The following CLOCK variants were observed in gnomAD, a reference collection of about 807,000 sequenced individuals.
CLOCK encodes the protein clock circadian regulator, also known as circadian locomoter output cycles protein kaput.
In CLOCK, 43 loss-of-function variants were observed where a neutral mutation model predicts 118.4. The ratio of observed to expected loss-of-function variants is 0.36; its 90% confidence interval spans 0.28 to 0.47. The LOEUF (loss-of-function observed/expected upper bound fraction) is 0.47. Ranked by LOEUF, CLOCK falls within the 20% of genes least tolerant of loss-of-function variation. The pLI, the probability that CLOCK is intolerant of heterozygous loss-of-function variation, is 1.00. For missense variants in CLOCK, 846 were observed against 999.9 expected, an observed-to-expected ratio of 0.85 and a Z score of 2.08; for synonymous variants, 326 against 339.2, an observed-to-expected ratio of 0.96 and a Z score of 0.43.
At chr4:55,463,655 T>C in intron 9 of CLOCK, 30 bp downstream of exon 9, 1 of 1,611,524 alleles carries the variant, frequency 6.2e-7, no homozygotes, top group Non-Finnish European at 8.5e-7. Context: ...ATACAACATT[T>C]GACTTTTTTG....
chr4:55,464,856 A>T (rs932126142), intron 8 of CLOCK, among the ~76,000 whole-genome samples: 1 of 152,094 alleles, frequency 6.6e-6, no homozygotes, highest in Non-Finnish European at 1.5e-5. Flanking sequence ...CACCAACCTA[A>T]TACTATTCTT....
chr4:55,540,154 C>T (rs547426018), intron 1 of CLOCK, among the ~76,000 whole-genome samples: 3 of 151,860 alleles, frequency 2.0e-5, no homozygotes, highest in South Asian at 4.2e-4. Flanking sequence ...ATTACAGGCA[C>T]CCGCCACCAT....
At chr4:55,511,907 T>C (rs1729174189) in intron 1 of CLOCK, among the ~76,000 whole-genome samples, 1 of 152,050 alleles carries the variant, frequency 6.6e-6, no homozygotes, top group South Asian at 2.1e-4. Flanking sequence ...AAATACACAT[T>C]TAAGATTTCT....
At chr4:55,457,166 A>T (rs566412886) in intron 11 of CLOCK, among the ~76,000 whole-genome samples, 169 of 152,260 alleles carry the variant, frequency 1.1e-3, no homozygotes, top group Non-Finnish European at 1.9e-3. Flanking sequence ...CAAATATCTG[A>T]ATGTCCTCAT....
chr4:55,466,899 G>A (rs1257797519), intron 8 of CLOCK, among the ~76,000 whole-genome samples: 4 of 152,074 alleles, frequency 2.6e-5, no homozygotes, highest in Admixed American at 2.0e-4. Context: ...TATAAGTTCT[G>A]CTGATTTACT....
chr4:55,525,295 T>C (rs1167380739), intron 1 of CLOCK, among the ~76,000 whole-genome samples: 4 of 152,112 alleles, frequency 2.6e-5, no homozygotes, highest in Non-Finnish European at 5.9e-5. Flanking sequence ...CCACATACCC[T>C]GTTCTTTAGA....
chr4:55,459,802 A>G (rs991769995), intron 9 of CLOCK, among the ~76,000 whole-genome samples: 7 of 152,126 alleles, frequency 4.6e-5, no homozygotes, highest in African/African-American at 1.7e-4. Flanking sequence ...ACGCAAGACT[A>G]CAGGTGTGAG....
rs1560427988 is a variant in CLOCK at position 55,455,916 on chromosome 4, C to T, written c.963G>A (p.Leu321=). Residue 321 remains leucine, a synonymous_variant, in exon 13 of 23, where the codon TTG becomes TTA. Coordinates refer to ENST00000513440, the MANE Select transcript of CLOCK (RefSeq NM_004898.4). ...DYYHVDDLEN[L]AKCHEHLMQY... ...ACTTACAGTGCTCATGACATTTTGC[C>T]AAATTTTCTAGGTCATCCACATGAT... The T allele has an allele frequency of 6.2e-7, 1 of 1,613,376 alleles. No homozygotes were observed. Among genetic ancestry groups the T allele is most frequent in the South Asian group, 1.1e-5 (1 of 91,068 alleles).
At chr4:55,451,013 C>CA (rs781444349) in intron 15 of CLOCK, among the ~76,000 whole-genome samples, 5 of 151,456 alleles carry the variant, frequency 3.3e-5, no homozygotes, top group Non-Finnish European at 5.9e-5. Flanking sequence ...CATCAGTATA[C>CA]AAACATGCTG....
chr4:55,529,502 T>C (rs190784050), intron 1 of CLOCK, among the ~76,000 whole-genome samples: 3 of 151,964 alleles, frequency 2.0e-5, no homozygotes, highest in African/African-American at 2.4e-5. Context: ...TTCAAAAAAA[T>C]CATAGTTTAT....
intron 2 of CLOCK, among the ~76,000 whole-genome samples, chr4:55,504,476 C>T (rs377425122): frequency 1.9e-4 from 29 of 151,866 alleles, no homozygotes; most frequent in African/African-American, 6.5e-4. Context: ...GTATTAATAC[C>T]GTTCTAAGAA....
chr4:55,463,175 T>G lies in CLOCK; in HGVS notation c.559+510A>C, dbSNP rs570289871. Among the ~76,000 whole-genome samples the G allele has an allele frequency of 7.9e-5, 12 of 152,250 alleles. No individual in the cohort carries two copies. In the South Asian group the frequency reaches 2.5e-3, roughly 31 times the overall value. ...TAACTATTTTCACTATTGTTGATAT[T>G]TTTATGATACAGCACAAGTACCTAG... is the stretch of plus-strand genomic sequence containing the variant. On this transcript the variant is annotated intron_variant, in intron 9 of 22. Transcript: ENST00000513440.
At chr4:55,486,857 A>G (rs576718472) in intron 3 of CLOCK, among the ~76,000 whole-genome samples, 12 of 152,178 alleles carry the variant, frequency 7.9e-5, no homozygotes, top group Admixed American at 5.2e-4. Flanking sequence ...TGGTCACTCA[A>G]CAGGCTTTTC....
At chr4:55,508,071 T>C (rs1230347742) in intron 2 of CLOCK, among the ~76,000 whole-genome samples, 1 of 152,232 alleles carries the variant, frequency 6.6e-6, no homozygotes. Flanking sequence ...GTCTTCTATC[T>C]CCTAATATAG....
intron 1 of CLOCK, among the ~76,000 whole-genome samples, chr4:55,538,320 T>C (rs1299620601): frequency 1.3e-5 from 2 of 152,104 alleles, no homozygotes; most frequent in African/African-American, 4.8e-5. Context: ...GACCAATAGA[T>C]GATGCCGATA....
chr4:55,539,301 C>T (rs1257781040), intron 1 of CLOCK, among the ~76,000 whole-genome samples: 6 of 151,822 alleles, frequency 4.0e-5, no homozygotes, highest in African/African-American at 1.5e-4. Context: ...AACTGCCGTG[C>T]ATGGTGGCTC....
chr4:55,497,435 A>G (rs1285596497), intron 2 of CLOCK, among the ~76,000 whole-genome samples: 1 of 152,198 alleles, frequency 6.6e-6, no homozygotes, highest in Non-Finnish European at 1.5e-5. Context: ...GGTTCCAGGA[A>G]TCAGGATATG....
At chr4:55,458,557 A>C (rs1157292983) in intron 11 of CLOCK, among the ~76,000 whole-genome samples, 2 of 152,194 alleles carry the variant, frequency 1.3e-5, no homozygotes, top group Non-Finnish European at 2.9e-5. Context: ...ATAAAAATTT[A>C]AAAGTTACCT....
Position 55,433,577 on chromosome 4 carries a change from G to A in CLOCK, c.*1838C>T, listed in dbSNP as rs1055739124. The A allele has an allele frequency of 6.6e-6, 1 of 152,032 alleles. No individual in the cohort carries two copies. The highest frequency in any genetic ancestry group is 1.5e-5 in the Non-Finnish European group (1 of 67,990). The allele number at this position is 152,032 out of a possible 1,614,324, so 9.4% of individuals were successfully genotyped here. A position where few individuals can be genotyped will look rare whatever the true frequency, so the allele number is the denominator to read the frequency against. ...TTTCTGTTTTAACAACCTCAACTCT[G>A]TTACACATTTTCTTTTGAGGTCAAT... On this transcript the variant is annotated 3_prime_UTR_variant, in exon 23 of 23. Coordinates refer to ENST00000513440, the MANE Select transcript of CLOCK (RefSeq NM_004898.4).
Sources: gnomAD v4.1 joint callset for allele counts (sites outside exome capture counted in the v4.1 genomes callset) on GRCh38, gnomAD v4.1.1 for gene constraint, MANE v1.5 for transcripts, NCBI Gene and HGNC (gene_info 2026-07-23, HGNC 2026-07-21) for gene names.